CREB5: variants seen among roughly 807,000 people sequenced by gnomAD.
CREB5 encodes cAMP responsive element binding protein 5.
Under a neutral mutation model 57.1 loss-of-function variants are expected in CREB5, and 19 were observed. The observed-to-expected ratio is 0.33, with a 90% CI of 0.23 to 0.49. The LOEUF (loss-of-function observed/expected upper bound fraction) is 0.49. CREB5 is among the 20% of genes least tolerant of loss of function. The pLI is 0.99. For synonymous variants in CREB5, 238 were observed against 238.3 expected (o/e 1.00, Z 0.01); for missense variants, 579 against 671.6 (o/e 0.86, Z 1.52).
chr7:28,473,265 C>T (rs530889447), intron 1 of CREB5, among the ~76,000 whole-genome samples: 82 of 152,112 alleles, frequency 5.4e-4, no homozygotes, highest in African/African-American at 1.8e-3. Context: ...AAGGGTGTAG[C>T]GGGCTGCGAA....
chr7:28,539,195 A>G (rs1233525155), intron 4 of CREB5, among the ~76,000 whole-genome samples: 2 of 152,212 alleles, frequency 1.3e-5, no homozygotes, highest in Non-Finnish European at 2.9e-5. Context: ...CAATTTGGTA[A>G]TTCTTTAAAG....
chr7:28,547,622 A>C (rs1261003594), intron 4 of CREB5, among the ~76,000 whole-genome samples: 1 of 152,170 alleles, frequency 6.6e-6, no homozygotes, highest in East Asian at 1.9e-4. Flanking sequence ...CCTTCACAGC[A>C]ATGTCTTGAC....
intron 5 of CREB5, among the ~76,000 whole-genome samples, chr7:28,631,539 C>T (rs754872333): frequency 6.6e-6 from 1 of 152,076 alleles, no homozygotes; most frequent in African/African-American, 2.4e-5. Context: ...GAAAGAGATG[C>T]CAGTGCTGCC....
At chr7:28,595,618 G>A (rs1240265965) in intron 5 of CREB5, among the ~76,000 whole-genome samples, 2 of 152,140 alleles carry the variant, frequency 1.3e-5, no homozygotes, top group Non-Finnish European at 2.9e-5. Flanking sequence ...TTTAATTTTA[G>A]CCAAAGTCTG....
At chr7:28,606,782 G>A (rs1797148050) in intron 5 of CREB5, among the ~76,000 whole-genome samples, 1 of 152,044 alleles carries the variant, frequency 6.6e-6, no homozygotes, top group South Asian at 2.1e-4. Context: ...CTCTAGTTAG[G>A]CTTCTGAGAC....
At chr7:28,559,607 G>A (rs1254576909) in intron 4 of CREB5, among the ~76,000 whole-genome samples, 3 of 152,176 alleles carry the variant, frequency 2.0e-5, no homozygotes, top group African/African-American at 7.2e-5. Flanking sequence ...GAGCCACCAC[G>A]CCCAGCCAAT....
intron 1 of CREB5, among the ~76,000 whole-genome samples, chr7:28,302,046 A>G (rs1191251266): frequency 1.3e-5 from 2 of 152,240 alleles, no homozygotes; most frequent in African/African-American, 4.8e-5. Context: ...GTTAAAATAG[A>G]TAAACTCAGA....
intron 5 of CREB5, among the ~76,000 whole-genome samples, chr7:28,643,883 C>T (rs559256588): frequency 2.6e-5 from 4 of 152,134 alleles, no homozygotes; most frequent in African/African-American, 7.2e-5. Context: ...GAGTTCAAGA[C>T]CAGCATGGGC....
chr7:28,593,213 CAAGTTTTTT>C (rs1440918480), intron 5 of CREB5, among the ~76,000 whole-genome samples: 1 of 144,714 alleles, frequency 6.9e-6, no homozygotes, highest in Non-Finnish European at 1.5e-5. Context: ...TCGGTTGAAT[CAAGTTTTTT>C]TATTTTATTG....
intron 4 of CREB5, among the ~76,000 whole-genome samples, chr7:28,517,146 T>A (rs1792998374): frequency 6.6e-6 from 1 of 152,150 alleles, no homozygotes; most frequent in African/African-American, 2.4e-5. Flanking sequence ...AGACTCAGCA[T>A]CTGTAGCTAA....
intron 7 of CREB5, among the ~76,000 whole-genome samples, chr7:28,748,054 C>A (rs1301854450): frequency 6.6e-6 from 1 of 152,178 alleles, no homozygotes; most frequent in Non-Finnish European, 1.5e-5. Context: ...TGGCTGGCTG[C>A]AGATTTTGCT....
In CREB5 at chr7:28,623,744, T is replaced by C. The variant is rs539712596; in HGVS notation, c.464+53207T>C. Among the ~76,000 whole-genome samples the C allele has an allele frequency of 9.5e-4, 144 of 152,332 alleles. 1 individual carries two copies. The highest frequency in any genetic ancestry group is 2.4e-4 in the Non-Finnish European group (16 of 68,032). On this transcript the variant is annotated intron_variant, in intron 5 of 10. Transcript: ENST00000357727. ...TGTCATGTTAAATGGTTTTGAATTA[T>C]TTAACAGCAGAATGACAGAATTTTA...
At chr7:28,545,287 T>G (rs1275202165) in intron 4 of CREB5, among the ~76,000 whole-genome samples, 1 of 152,258 alleles carries the variant, frequency 6.6e-6, no homozygotes, top group Admixed American at 6.5e-5. Flanking sequence ...CTCTTTCCCC[T>G]ACTTTTGGAA....
chr7:28,380,014 G>A (rs968265829), intron 1 of CREB5, among the ~76,000 whole-genome samples: 1 of 152,164 alleles, frequency 6.6e-6, no homozygotes, highest in Non-Finnish European at 1.5e-5. Flanking sequence ...AGCCTCCTGA[G>A]TAGCTGGGAT....
chr7:28,614,563 C>T (rs918533851), intron 5 of CREB5, among the ~76,000 whole-genome samples: 1 of 152,114 alleles, frequency 6.6e-6, no homozygotes, highest in Non-Finnish European at 1.5e-5. Flanking sequence ...TTATGCCTCA[C>T]CCCTAATGAG....
intron 5 of CREB5, among the ~76,000 whole-genome samples, chr7:28,697,716 C>T (rs568778682): frequency 1.4e-4 from 22 of 152,276 alleles, no homozygotes; most frequent in African/African-American, 5.3e-4. Context: ...TGCTGTAGGA[C>T]CATCGTTCTT....
intron 7 of CREB5, among the ~76,000 whole-genome samples, chr7:28,776,292 A>C (rs959294260): frequency 6.7e-6 from 1 of 150,308 alleles, no homozygotes; most frequent in Non-Finnish European, 1.5e-5. Context: ...GAGCCGAGAT[A>C]GCGCCACTGC....
At chr7:28,567,663 A>G (rs975871984) in intron 4 of CREB5, among the ~76,000 whole-genome samples, 14 of 152,254 alleles carry the variant, frequency 9.2e-5, no homozygotes, top group African/African-American at 3.4e-4. Context: ...AGGTTTGCCT[A>G]CATGATGATT....
intron 5 of CREB5, among the ~76,000 whole-genome samples, chr7:28,644,551 T>C (rs1798815632): frequency 6.8e-6 from 1 of 147,884 alleles, no homozygotes; most frequent in Non-Finnish European, 1.5e-5. Flanking sequence ...GAACATTATC[T>C]GTGAATGAAC....
Sources: gnomAD v4.1 joint callset for allele counts (sites outside exome capture counted in the v4.1 genomes callset) on GRCh38, gnomAD v4.1.1 for gene constraint, MANE v1.5 for transcripts, NCBI Gene and HGNC (gene_info 2026-07-23, HGNC 2026-07-21) for gene names.